The following MERTK variants were observed in gnomAD, a reference collection of about 807,000 sequenced individuals.
The protein encoded by MERTK is tyrosine-protein kinase Mer.
A neutral mutation model predicts 99.3 loss-of-function variants in MERTK; 69 were observed. That is an observed-to-expected ratio of 0.70 (90% CI 0.57 to 0.85). The LOEUF is 0.85. MERTK is among the 40% of genes least tolerant of loss of function. MERTK has a pLI of 0.00. For synonymous variants in MERTK, 426 were observed against 467.6 expected, an observed-to-expected ratio of 0.91 and a Z score of 1.15; for missense variants, 1,125 against 1,249.4, an observed-to-expected ratio of 0.90 and a Z score of 1.50.
chr2:112,007,846 G>A (rs1677016272), intron 13 of MERTK, among the ~76,000 whole-genome samples: 1 of 144,668 alleles, frequency 6.9e-6, no homozygotes, highest in East Asian at 2.0e-4. Flanking sequence ...CTTTGTTTTG[G>A]TGTTGGGGTT....
chr2:112,027,667 T>C (rs537353803), intron 18 of MERTK, among the ~76,000 whole-genome samples: 1 of 152,226 alleles, frequency 6.6e-6, no homozygotes, highest in East Asian at 1.9e-4. Context: ...GCATGTTCTG[T>C]AATGTCCCTG....
chr2:111,916,220 G>A (rs527865657), intron 1 of MERTK, among the ~76,000 whole-genome samples: 3 of 152,158 alleles, frequency 2.0e-5, no homozygotes, highest in South Asian at 2.1e-4. Flanking sequence ...TCCGCCTCCC[G>A]GGTTCAAGCA....
At chr2:111,968,067 G>T in intron 5 of MERTK, 70 bp from the exon 6 acceptor site, 2 of 1,104,512 alleles carry the variant, frequency 1.8e-6, no homozygotes, top group East Asian at 4.7e-5. Context: ...CATTTGTTTG[G>T]TAGCTGTAGC....
chr2:111,930,367 A>C (rs1370017087), intron 2 of MERTK: 1 of 152,178 alleles, frequency 6.6e-6, no homozygotes, highest in Non-Finnish European at 1.5e-5. Flanking sequence ...CCAGGTCAGA[A>C]ACGGAGCAGG....
Position 112,019,413 on chromosome 2 carries a change from C to G in MERTK, c.2080C>G (p.His694Asp), listed in dbSNP as rs768035521. 1.2e-5 allele frequency: 19 copies of G among 1,603,828 alleles called. No homozygotes were observed. Among genetic ancestry groups the G allele is most frequent in the Admixed American group, 1.7e-5 (1 of 59,998 alleles). ...LYSRLETGPK[H>D]IPLQTLLKFM... ...TCTTCTTGTTTCCTCTATCATCTAG[C>G]ATATTCCTCTGCAGACACTATTGAA... The change falls in exon 16 of 19, where the codon CAT (histidine) becomes GAT (aspartate). Residue 694 changes from histidine to aspartate, a missense_variant and splice_region_variant. Coordinates refer to ENST00000295408, the MANE Select transcript of MERTK (RefSeq NM_006343.3).
At chr2:112,008,856 C>T (rs575025378) in intron 14 of MERTK, 26 of 299,090 alleles carry the variant, frequency 8.7e-5, no homozygotes, top group Non-Finnish European at 1.5e-4. Context: ...AGGCAAATTC[C>T]GTAGGTTTAT....
In MERTK at chr2:112,003,998, G is replaced by A. The variant is rs1676927789; in HGVS notation, c.1867+14G>A. On this transcript the variant is annotated intron_variant, in intron 13 of 18. Transcript: ENST00000295408. ...AGACCATGAAGTGTGAGTTATCAGT[G>A]ATGAATCCCATTCTTCTAGGGTGGG... 2 of 1,601,810 alleles carry A rather than the reference G, an allele frequency of 1.2e-6. No homozygotes were observed. Among genetic ancestry groups the A allele is most frequent in the East Asian group, 4.5e-5 (2 of 44,806 alleles).
chr2:111,976,348 T>A (rs1390470561), intron 7 of MERTK, among the ~76,000 whole-genome samples: 1 of 152,056 alleles, frequency 6.6e-6, no homozygotes, highest in Non-Finnish European at 1.5e-5. Context: ...TGACCCACAG[T>A]CAGAAAGATG....
chr2:111,903,550 G>T (rs1279719359), intron 1 of MERTK, among the ~76,000 whole-genome samples: 1 of 152,240 alleles, frequency 6.6e-6, no homozygotes, highest in Non-Finnish European at 1.5e-5. Context: ...GTAGCCCTGG[G>T]TGCCTTGACT....
chr2:112,009,384 G>A (rs1276694029), intron 14 of MERTK, among the ~76,000 whole-genome samples: 1 of 152,204 alleles, frequency 6.6e-6, no homozygotes, highest in Non-Finnish European at 1.5e-5. Context: ...CATGATAAAT[G>A]ATATTATAGC....
intron 15 of MERTK, among the ~76,000 whole-genome samples, chr2:112,014,917 G>A (rs1051577799): frequency 1.3e-5 from 2 of 152,172 alleles, no homozygotes; most frequent in Non-Finnish European, 2.9e-5. Context: ...GGGATTACAG[G>A]TGTGAGCCAC....
At chr2:112,019,379 G>C (rs1677285799) in intron 15 of MERTK, 34 bp from the exon 16 acceptor site, 1 of 1,532,522 alleles carries the variant, frequency 6.5e-7, no homozygotes, top group Non-Finnish European at 9.0e-7. Context: ...CTTTTTAAAA[G>C]ATAGTCTTTC....
chr2:111,940,766 C>A, intron 2 of MERTK: 1 of 996,202 alleles, frequency 1.0e-6, no homozygotes, highest in South Asian at 1.3e-5. Flanking sequence ...TCTCCATATT[C>A]AAATCTAACA....
chr2:111,982,428 G>C (rs1271831436), intron 7 of MERTK, among the ~76,000 whole-genome samples: 1 of 151,904 alleles, frequency 6.6e-6, no homozygotes, highest in Admixed American at 6.6e-5. Flanking sequence ...TTCTGCCCAG[G>C]CTGAAGTGCA....
At chr2:112,007,203 G>A (rs1676999817) in intron 13 of MERTK, among the ~76,000 whole-genome samples, 1 of 152,108 alleles carries the variant, frequency 6.6e-6, no homozygotes, top group Non-Finnish European at 1.5e-5. Context: ...TGCCCAGGCT[G>A]GAGTGCGGTA....
chr2:111,982,794 G>A (rs1676398260), intron 7 of MERTK, 48 bp from the exon 8 acceptor site: 1 of 1,602,146 alleles, frequency 6.2e-7, no homozygotes, highest in East Asian at 2.2e-5. Flanking sequence ...GAATACATCT[G>A]TGTGTGCTTT....
chr2:111,954,044 T>C (rs751804538), intron 4 of MERTK, among the ~76,000 whole-genome samples: 14 of 152,170 alleles, frequency 9.2e-5, no homozygotes, highest in Admixed American at 2.6e-4. Flanking sequence ...CCATAGTGAG[T>C]GATGCTCCAC....
rs199912096 is a variant in MERTK, at chr2:111,929,327, C to A, written c.269C>A (p.Pro90His). The A allele has an allele frequency of 5.0e-6, 8 of 1,614,034 alleles. No individual in the cohort carries two copies. Among genetic ancestry groups the A allele is most frequent in the Middle Eastern group, 3.3e-4 (2 of 6,084 alleles). Residue 90 changes from proline to histidine, a missense_variant, in exon 2 of 19, where the codon CCC becomes CAC. Physicochemically the swap from Pro to His is moderately conservative, Grantham distance 77. Transcript: ENST00000295408. ...CAGGTGACCTCTGTCGAATCAAAGC[C>A]CCTACCGCCTCTTGCCTTCAAACAC... Reference protein sequence around the residue: ...IPQVTSVESKPLPPLAFKHTV... With the variant: ...IPQVTSVESKHLPPLAFKHTV...
At chr2:111,901,276 G>C (rs1008411471) in intron 1 of MERTK, among the ~76,000 whole-genome samples, 19 of 152,150 alleles carry the variant, frequency 1.2e-4, no homozygotes, top group Non-Finnish European at 2.6e-4. Flanking sequence ...CTCATGACGA[G>C]GCTGTGTGTG....
Sources: gnomAD v4.1 joint callset for allele counts (sites outside exome capture counted in the v4.1 genomes callset) on GRCh38, gnomAD v4.1.1 for gene constraint, MANE v1.5 for transcripts, NCBI Gene and HGNC (gene_info 2026-07-23, HGNC 2026-07-21) for gene names.